SLC35F4: variants seen among roughly 807,000 people sequenced by gnomAD.
The protein encoded by SLC35F4 is chromosome 14 open reading frame 36.
SLC35F4 carries 24 observed loss-of-function variants against 44.2 expected under a neutral mutation model. The observed-to-expected ratio is 0.54, with a 90% CI of 0.39 to 0.76. The LOEUF is 0.76. Among genes scored for constraint, SLC35F4 ranks in the 30% least tolerant of loss-of-function variants. The pLI is 0.00. For synonymous variants in SLC35F4, 238 were observed against 223.6 expected (o/e 1.06, Z -0.57); for missense variants, 562 against 586.1 (o/e 0.96, Z 0.42).
At chr14:57,745,741 C>A (rs1361664476) in intron 1 of SLC35F4, among the ~76,000 whole-genome samples, 1 of 152,154 alleles carries the variant, frequency 6.6e-6, no homozygotes, top group Non-Finnish European at 1.5e-5. Context: ...TGGGTATATA[C>A]CCAAAGGATT....
intron 1 of SLC35F4, among the ~76,000 whole-genome samples, chr14:57,716,622 T>C (rs1463103805): frequency 6.6e-6 from 1 of 152,210 alleles, no homozygotes; most frequent in Admixed American, 6.5e-5. Context: ...CACAAAATAA[T>C]TGTACATATG....
At chr14:57,703,880 T>TA (rs2140374832) in intron 1 of SLC35F4, among the ~76,000 whole-genome samples, 1 of 152,210 alleles carries the variant, frequency 6.6e-6, no homozygotes, top group East Asian at 1.9e-4. Context: ...AATTTTTTCC[T>TA]AAAAAACAAA....
intron 1 of SLC35F4, among the ~76,000 whole-genome samples, chr14:57,737,980 C>T (rs2076508663): frequency 6.6e-6 from 1 of 152,080 alleles, no homozygotes; most frequent in South Asian, 2.1e-4. Flanking sequence ...TCTATTAGGG[C>T]CAAGATTTAA....
rs115797220 is a variant in SLC35F4, at chr14:57,778,181, C to T, written c.103+87542G>A. Among the ~76,000 whole-genome samples, 1,370 of 152,336 alleles carry T rather than the reference C, an allele frequency of 9.0e-3. 22 individuals carry two copies. Among genetic ancestry groups the T allele is most frequent in the African/African-American group, 0.028 (1,155 of 41,584 alleles). On this transcript the variant is annotated intron_variant, in intron 1 of 7. Transcript: ENST00000556826. ...GCCTGCTGTCATCCATGTAACATGA[C>T]TTGCTCCTCCTTGCCTTCTGCCATG...
intron 1 of SLC35F4, among the ~76,000 whole-genome samples, chr14:57,835,540 C>A (rs1405396227): frequency 6.6e-6 from 1 of 152,092 alleles, no homozygotes; most frequent in Admixed American, 6.5e-5. Context: ...GTCAGCAGAA[C>A]AATACGCAAA....
At chr14:57,907,804 A>T (rs1350530636) in intron 1 of SLC35F4, among the ~76,000 whole-genome samples, 2 of 151,860 alleles carry the variant, frequency 1.3e-5, no homozygotes, top group African/African-American at 4.9e-5. Context: ...GGATACTTTT[A>T]AAAATAATAA....
chr14:57,754,178 G>A (rs902954612), intron 1 of SLC35F4, among the ~76,000 whole-genome samples: 24 of 141,994 alleles, frequency 1.7e-4, no homozygotes, highest in African/African-American at 4.8e-4. Context: ...ATCTCGGCTC[G>A]CTGCAACCCT....
chr14:57,765,753 AT>A (rs2077219939), intron 1 of SLC35F4, among the ~76,000 whole-genome samples: 2 of 152,334 alleles, frequency 1.3e-5, no homozygotes, highest in South Asian at 4.1e-4. Flanking sequence ...AAACGTAAAA[AT>A]CCACTCATAT....
At chr14:57,657,678 C>T (rs925040039) in intron 1 of SLC35F4, among the ~76,000 whole-genome samples, 1 of 152,150 alleles carries the variant, frequency 6.6e-6, no homozygotes, top group Non-Finnish European at 1.5e-5. Context: ...ATTCTCTACA[C>T]AGACTGCAGC....
At chr14:57,873,401 G>A (rs560972841) in intron 1 of SLC35F4, among the ~76,000 whole-genome samples, 2 of 152,226 alleles carry the variant, frequency 1.3e-5, no homozygotes, top group Middle Eastern at 3.4e-3. Context: ...ATAAAATAAT[G>A]TAATCAACTC....
intron 1 of SLC35F4, among the ~76,000 whole-genome samples, chr14:57,917,007 C>G (rs1254573706): frequency 6.6e-6 from 1 of 150,422 alleles, no homozygotes; most frequent in Non-Finnish European, 1.5e-5. Context: ...TTATATCTCT[C>G]TGGTTTTGTT....
At chr14:57,697,631 G>A (rs2075420164) in intron 1 of SLC35F4, among the ~76,000 whole-genome samples, 1 of 151,488 alleles carries the variant, frequency 6.6e-6, no homozygotes, top group Non-Finnish European at 1.5e-5. Flanking sequence ...AGCCCAGGAA[G>A]CAGAGGTTGC....
chr14:57,691,911 G>C (rs1399517417), intron 1 of SLC35F4, among the ~76,000 whole-genome samples: 2 of 152,160 alleles, frequency 1.3e-5, no homozygotes, highest in Non-Finnish European at 2.9e-5. Context: ...GATAGAAGAG[G>C]GTGAGGAGAG....
chr14:57,749,023 A>G (rs559510806), intron 1 of SLC35F4, among the ~76,000 whole-genome samples: 1 of 152,328 alleles, frequency 6.6e-6, no homozygotes, highest in African/African-American at 2.4e-5. Flanking sequence ...ACAAAGGCCC[A>G]GAGAAAAACT....
At chr14:57,824,007 C>T (rs1163101763) in intron 1 of SLC35F4, among the ~76,000 whole-genome samples, 1 of 151,464 alleles carries the variant, frequency 6.6e-6, no homozygotes, top group East Asian at 1.9e-4. Context: ...TATCATATTC[C>T]CCAAATCAGG....
chr14:57,580,824 G>A (rs563623697), intron 4 of SLC35F4, among the ~76,000 whole-genome samples: 7 of 151,908 alleles, frequency 4.6e-5, no homozygotes, highest in Admixed American at 3.9e-4. Flanking sequence ...TGGGGGGAAT[G>A]GGGGGTCATC....
intron 1 of SLC35F4, among the ~76,000 whole-genome samples, chr14:57,700,506 A>G (rs2075506834): frequency 6.6e-6 from 1 of 152,214 alleles, no homozygotes; most frequent in Non-Finnish European, 1.5e-5. Flanking sequence ...TTCATTAATA[A>G]TAACTTTAGT....
Position 57,945,439 on chromosome 14 carries a change from A to ATGTGTGTGTGTG in SLC35F4, n.282+36462_282+36473dup, listed in dbSNP as rs58976756. On this transcript the variant is annotated intron_variant and non_coding_transcript_variant, in intron 1 of 1. Transcript: ENST00000556568. ...TCTTTACCAGGTAAGAGCAATGATA[A>ATGTGTGTGTGTG]TGTGTGTGTGTGTGTGTGTGTGTGT... Among the ~76,000 whole-genome samples, 306 of 104,742 alleles carry ATGTGTGTGTGTG rather than the reference A, an allele frequency of 2.9e-3. 8 individuals are homozygous for ATGTGTGTGTGTG. The highest frequency in any genetic ancestry group is 4.0e-3 in the Non-Finnish European group (225 of 56,308). 68.7% of individuals were successfully genotyped at this position (104,742 alleles called of 152,430 possible).
At chr14:57,806,491 C>T (rs1881337879) in intron 1 of SLC35F4, among the ~76,000 whole-genome samples, 1 of 152,078 alleles carries the variant, frequency 6.6e-6, no homozygotes, top group Non-Finnish European at 1.5e-5. Flanking sequence ...GACTGGCCTG[C>T]CTCAAAAGTT....
Sources: allele counts gnomAD v4.1 joint callset (sites outside exome capture counted in the v4.1 genomes callset), GRCh38; gene constraint gnomAD v4.1.1; transcripts MANE v1.5; gene names NCBI Gene and HGNC (gene_info 2026-07-23, HGNC 2026-07-21).